The following NEGR1 variants were observed in gnomAD, a reference collection of about 807,000 sequenced individuals.
NEGR1 encodes neuronal growth regulator 1.
NEGR1 carries 10 observed loss-of-function variants against 40.9 expected under a neutral mutation model. The ratio of observed to expected loss-of-function variants is 0.24; its 90% confidence interval spans 0.15 to 0.42. NEGR1 has a LOEUF of 0.42. Ranked by LOEUF, NEGR1 falls within the 10% of genes least tolerant of loss-of-function variation. NEGR1 has a pLI of 1.00. For missense variants in NEGR1, 352 were observed against 438.9 expected (o/e 0.80, Z 1.77); for synonymous variants, 185 against 166.8 (o/e 1.11, Z -0.84).
At chr1:71,880,896 G>A (rs1228920600) in intron 2 of NEGR1, among the ~76,000 whole-genome samples, 1 of 151,958 alleles carries the variant, frequency 6.6e-6, no homozygotes, top group Non-Finnish European at 1.5e-5. Context: ...ATTTAGACTC[G>A]ATTTCTGACG....
chr1:71,818,874 T>C (rs1364088248), intron 2 of NEGR1, among the ~76,000 whole-genome samples: 1 of 151,944 alleles, frequency 6.6e-6, no homozygotes, highest in Admixed American at 6.6e-5. Flanking sequence ...AATGTTTTGT[T>C]TTGCTTTACA....
intron 1 of NEGR1, among the ~76,000 whole-genome samples, chr1:71,952,534 T>C (rs1241709729): frequency 2.0e-5 from 3 of 151,932 alleles, no homozygotes; most frequent in Non-Finnish European, 4.4e-5. Flanking sequence ...CTCTATAACA[T>C]AAAAGTGCAA....
chr1:72,256,071 C>T (rs1655263219), intron 1 of NEGR1, among the ~76,000 whole-genome samples: 1 of 152,134 alleles, frequency 6.6e-6, no homozygotes, highest in South Asian at 2.1e-4. Context: ...AATCCAATTG[C>T]CTGGTAACAT....
chr1:71,677,351 A>G (rs190674943), intron 4 of NEGR1, among the ~76,000 whole-genome samples: 1 of 152,306 alleles, frequency 6.6e-6, no homozygotes, highest in East Asian at 1.9e-4. Flanking sequence ...ACAATCAATT[A>G]CAATATCATC....
At chr1:72,204,235 A>G (rs946781936) in intron 1 of NEGR1, among the ~76,000 whole-genome samples, 1 of 152,098 alleles carries the variant, frequency 6.6e-6, no homozygotes, top group African/African-American at 2.4e-5. Flanking sequence ...TATAATCACA[A>G]AGATTATTCA....
intron 1 of NEGR1, among the ~76,000 whole-genome samples, chr1:72,230,180 C>T (rs889955495): frequency 2.0e-5 from 3 of 152,110 alleles, no homozygotes; most frequent in Non-Finnish European, 4.4e-5. Flanking sequence ...AATGGAGTTA[C>T]CTATCTCCCT....
chr1:71,766,838 T>C (rs990333004), intron 3 of NEGR1, among the ~76,000 whole-genome samples: 2 of 152,112 alleles, frequency 1.3e-5, no homozygotes, highest in Non-Finnish European at 2.9e-5. Context: ...AGAGTTCTCA[T>C]GACATCTTGT....
At chr1:71,805,544 CA>C (rs1367873169) in intron 2 of NEGR1, among the ~76,000 whole-genome samples, 1 of 152,164 alleles carries the variant, frequency 6.6e-6, no homozygotes, top group Non-Finnish European at 1.5e-5. Context: ...CCCGATATCA[CA>C]GAGATGTCTT....
chr1:72,214,342 C>T (rs138269468), intron 1 of NEGR1, among the ~76,000 whole-genome samples: 19 of 152,158 alleles, frequency 1.2e-4, no homozygotes, highest in Non-Finnish European at 2.6e-4. Flanking sequence ...TCCTATTCAA[C>T]GTATTACTGG....
At chr1:71,990,333 G>A (rs1389904969) in intron 1 of NEGR1, among the ~76,000 whole-genome samples, 2 of 152,024 alleles carry the variant, frequency 1.3e-5, no homozygotes, top group Admixed American at 6.5e-5. Context: ...ATATTGGTAA[G>A]CAAAAATACT....
In NEGR1 at chr1:72,144,109, T is replaced by G. The variant is rs190072719; in HGVS notation, c.176+138210A>C. 2.6e-5 allele frequency among the ~76,000 whole-genome samples: 4 copies of G among 151,080 alleles called. No individual in the cohort carries two copies. The Admixed American group carries it at 2.7e-4, about 10-fold the overall frequency. Reference sequence around the variant, plus strand: ...TTAAAAAAGGAAAATTACTGCTTAATTGAATAAGATTCCAGAAAACAAGTA... The same window carrying G: ...TTAAAAAAGGAAAATTACTGCTTAAGTGAATAAGATTCCAGAAAACAAGTA... On this transcript the variant is annotated intron_variant, in intron 1 of 6. Coordinates refer to ENST00000357731, the MANE Select transcript of NEGR1 (RefSeq NM_173808.3).
chr1:72,235,861 A>AATGTAAACC (rs1309381129), intron 1 of NEGR1, among the ~76,000 whole-genome samples: 5 of 152,220 alleles, frequency 3.3e-5, no homozygotes, highest in African/African-American at 1.2e-4. Flanking sequence ...ATTTTAAGAG[A>AATGTAAACC]ATGTAAACCA....
At chr1:71,640,598 T>A (rs904798725) in intron 4 of NEGR1, among the ~76,000 whole-genome samples, 1 of 152,058 alleles carries the variant, frequency 6.6e-6, no homozygotes, top group Non-Finnish European at 1.5e-5. Flanking sequence ...GACAGTCACT[T>A]GAAAAATAAA....
intron 2 of NEGR1, among the ~76,000 whole-genome samples, chr1:71,812,253 T>C (rs1658030080): frequency 6.6e-6 from 1 of 152,166 alleles, no homozygotes; most frequent in South Asian, 2.1e-4. Flanking sequence ...CTGTACAGTA[T>C]TCCATGGTAT....
intron 1 of NEGR1, among the ~76,000 whole-genome samples, chr1:72,106,219 T>C (rs1295589470): frequency 6.6e-6 from 1 of 152,056 alleles, no homozygotes; most frequent in Non-Finnish European, 1.5e-5. Context: ...AAAAAGTTAC[T>C]AGACAAAAGG....
chr1:71,723,983 GA>G (rs909726020), intron 3 of NEGR1, among the ~76,000 whole-genome samples: 53 of 150,490 alleles, frequency 3.5e-4, no homozygotes, highest in African/African-American at 1.2e-3. Context: ...TGTCAAGAGG[GA>G]AAAAAAAAGT....
At chr1:71,426,370 A>T (rs1646428461) in intron 6 of NEGR1, among the ~76,000 whole-genome samples, 1 of 152,188 alleles carries the variant, frequency 6.6e-6, no homozygotes, top group African/African-American at 2.4e-5. Context: ...ATGTAGAAAT[A>T]ACCTAAATCT....
intron 1 of NEGR1, among the ~76,000 whole-genome samples, chr1:72,140,408 T>C (rs1650628656): frequency 6.6e-6 from 1 of 151,992 alleles, no homozygotes; most frequent in South Asian, 2.1e-4. Context: ...GGTGAGAGCC[T>C]TCCTGCTGAG....
chr1:71,710,883 G>A (rs1049637451), intron 3 of NEGR1, among the ~76,000 whole-genome samples: 8 of 152,084 alleles, frequency 5.3e-5, no homozygotes, highest in Admixed American at 3.9e-4. Context: ...CTTAAAGAAT[G>A]TAATTGGATT....
Sources: gnomAD v4.1 joint callset for allele counts (sites outside exome capture counted in the v4.1 genomes callset) on GRCh38, gnomAD v4.1.1 for gene constraint, MANE v1.5 for transcripts, NCBI Gene and HGNC (gene_info 2026-07-23, HGNC 2026-07-21) for gene names.